The following PSD3 variants were observed in gnomAD, a reference collection of about 807,000 sequenced individuals.
The protein encoded by PSD3 is PH and SEC7 domain-containing protein 3.
PSD3 carries 49 observed loss-of-function variants against 105.5 expected under a neutral mutation model. The ratio of observed to expected loss-of-function variants is 0.46; its 90% confidence interval spans 0.37 to 0.59. PSD3 has a LOEUF of 0.59. Ranked by LOEUF, PSD3 falls within the 20% of genes least tolerant of loss-of-function variation. The probability of loss-of-function intolerance (pLI) is 0.00; values close to 1 mark genes in which losing one functional copy is unlikely to be tolerated. For missense variants in PSD3, 1,561 were observed against 1,263.8 expected (o/e 1.24, Z -3.57); for synonymous variants, 557 against 457.8 (o/e 1.22, Z -2.77).
At chr8:18,972,915 C>G (rs1485910835) in intron 1 of PSD3, among the ~76,000 whole-genome samples, 1 of 152,208 alleles carries the variant, frequency 6.6e-6, no homozygotes, top group African/African-American at 2.4e-5. Flanking sequence ...GGCCACCCTT[C>G]AAAGGTCCTG....
At chr8:18,655,977 T>A (rs1433181750) in intron 9 of PSD3, among the ~76,000 whole-genome samples, 1 of 152,230 alleles carries the variant, frequency 6.6e-6, no homozygotes, top group Non-Finnish European at 1.5e-5. Flanking sequence ...TGATTAAAAT[T>A]ACACTGTGCA....
chr8:18,705,849 C>G (rs62495801), intron 9 of PSD3, among the ~76,000 whole-genome samples: 2,385 of 152,228 alleles, frequency 0.016, 26 homozygotes, highest in African/African-American at 0.033. Flanking sequence ...TTGCTATATA[C>G]AAACGTATTT....
chr8:19,010,642 CTT>C lies in PSD3; in HGVS notation c.21+2919_21+2920del, dbSNP rs371922904. Among the ~76,000 whole-genome samples the C allele has an allele frequency of 1.4e-3, 210 of 152,242 alleles. 1 individual carries two copies. Among genetic ancestry groups the C allele is most frequent in the African/African-American group, 4.4e-3 (183 of 41,528 alleles). ...ATGGTCAACGTAACTCAGAAACACT[CTT>C]TGAAAAAATAATGCCACCACTTAAA... On this transcript the variant is annotated intron_variant, in intron 1 of 15. Coordinates refer to ENST00000327040, the MANE Select transcript of PSD3 (RefSeq NM_015310.4).
intron 11 of PSD3, among the ~76,000 whole-genome samples, chr8:18,601,233 C>G (rs1310448193): frequency 1.3e-5 from 2 of 152,120 alleles, no homozygotes; most frequent in Non-Finnish European, 2.9e-5. Flanking sequence ...ACAAATTGTT[C>G]TAAAGCAAAA....
intron 1 of PSD3, among the ~76,000 whole-genome samples, chr8:19,065,097 C>T (rs952032434): frequency 6.6e-6 from 1 of 152,182 alleles, no homozygotes; most frequent in African/African-American, 2.4e-5. Flanking sequence ...TAAGGAAGTC[C>T]CCTCTGTTTT....
intron 9 of PSD3, among the ~76,000 whole-genome samples, chr8:18,699,318 G>T (rs531103139): frequency 8.9e-4 from 135 of 152,316 alleles, no homozygotes; most frequent in African/African-American, 3.0e-3. Context: ...GAAGCAATCT[G>T]TTCACCAGGA....
chr8:18,744,492 G>A (rs1335025879), intron 9 of PSD3, among the ~76,000 whole-genome samples: 2 of 152,124 alleles, frequency 1.3e-5, no homozygotes, highest in African/African-American at 2.4e-5. Flanking sequence ...TTCACTGATC[G>A]AGATTTGTAT....
intron 1 of PSD3, among the ~76,000 whole-genome samples, chr8:19,066,126 C>G (rs1007760144): frequency 2.6e-5 from 4 of 152,116 alleles, no homozygotes; most frequent in African/African-American, 9.7e-5. Context: ...TCATGAATTG[C>G]TAATAAAAGC....
chr8:18,723,493 G>A (rs772717361), intron 9 of PSD3, among the ~76,000 whole-genome samples: 5 of 152,098 alleles, frequency 3.3e-5, no homozygotes, highest in Non-Finnish European at 5.9e-5. Context: ...TTTCTCTACT[G>A]AAGATCAATT....
At position 19,010,225 on chromosome 8, in the gene PSD3, G is replaced by A. The variant is rs372579026; in HGVS notation, c.21+3338C>T. The stretch of plus-strand genomic sequence containing the variant: ...GACATGCAGGAAGGGGAGAAGAGCG[G>A]GCGGATCCCTCACACCACCGGTGTC... On this transcript the variant is annotated intron_variant, in intron 1 of 15. Coordinates refer to ENST00000327040, the MANE Select transcript of PSD3 (RefSeq NM_015310.4). Among the ~76,000 whole-genome samples, 20 of 152,116 alleles carry A rather than the reference G, an allele frequency of 1.3e-4. No homozygotes were observed. The East Asian group carries it at 2.9e-3, about 22-fold the overall frequency.
intron 1 of PSD3, among the ~76,000 whole-genome samples, chr8:19,020,279 A>T (rs1207047417): frequency 6.6e-6 from 1 of 152,188 alleles, no homozygotes; most frequent in Non-Finnish European, 1.5e-5. Flanking sequence ...ATAAGGCATA[A>T]GCAGTACAGC....
chr8:18,540,594 C>T (rs1290957855), intron 15 of PSD3, among the ~76,000 whole-genome samples: 1 of 152,166 alleles, frequency 6.6e-6, no homozygotes, highest in African/African-American at 2.4e-5. Context: ...AGAACTGCAC[C>T]ATTTCTCAGT....
At chr8:18,809,017 C>G (rs992229608) in intron 4 of PSD3, 1 of 1,055,742 alleles carries the variant, frequency 9.5e-7, no homozygotes, top group Non-Finnish European at 1.3e-6. Context: ...GGGCCACTGT[C>G]TATCGAGAAC....
intron 1 of PSD3, among the ~76,000 whole-genome samples, chr8:19,070,541 G>T (rs1829219823): frequency 1.3e-5 from 2 of 152,146 alleles, no homozygotes; most frequent in East Asian, 3.9e-4. Context: ...AGCCAGGCTT[G>T]GTGGCACATG....
At chr8:18,839,232 G>C (rs1319365419) in intron 4 of PSD3, among the ~76,000 whole-genome samples, 1 of 151,998 alleles carries the variant, frequency 6.6e-6, no homozygotes, top group Non-Finnish European at 1.5e-5. Flanking sequence ...TCAGTTTCTG[G>C]CATTACCAAT....
intron 9 of PSD3, among the ~76,000 whole-genome samples, chr8:18,704,886 A>C (rs537895542): frequency 1.3e-5 from 2 of 152,308 alleles, no homozygotes; most frequent in Non-Finnish European, 2.9e-5. Flanking sequence ...GGTTTTGGAG[A>C]TCAACTAAGA....
At chr8:18,879,648 G>A (rs1000718903) in intron 2 of PSD3, among the ~76,000 whole-genome samples, 4 of 152,082 alleles carry the variant, frequency 2.6e-5, no homozygotes, top group Non-Finnish European at 5.9e-5. Flanking sequence ...GGGTGCAGTG[G>A]CACCATCATA....
intron 11 of PSD3, among the ~76,000 whole-genome samples, chr8:18,630,661 C>CT (rs199993405): frequency 0.011 from 1,693 of 149,364 alleles, 29 homozygotes; most frequent in East Asian, 0.041. Flanking sequence ...TGAAATTATT[C>CT]TTTTTTTTTT....
intron 10 of PSD3, among the ~76,000 whole-genome samples, chr8:18,642,819 A>C (rs1464175393): frequency 6.6e-6 from 1 of 152,266 alleles, no homozygotes; most frequent in African/African-American, 2.4e-5. Flanking sequence ...CCACTTAGAC[A>C]TGAAGCAAAC....
Sources: gnomAD v4.1 joint callset for allele counts (sites outside exome capture counted in the v4.1 genomes callset) on GRCh38, gnomAD v4.1.1 for gene constraint, MANE v1.5 for transcripts, NCBI Gene and HGNC (gene_info 2026-07-23, HGNC 2026-07-21) for gene names.